Variants in EPB41L5 observed in about 807,000 individuals in gnomAD.
EPB41L5 encodes the protein band 4.1-like protein 5.
In EPB41L5, 55 loss-of-function variants were observed where a neutral mutation model predicts 106.6. The ratio of observed to expected loss-of-function variants is 0.52; its 90% CI spans 0.42 to 0.65. The LOEUF (loss-of-function observed/expected upper bound fraction) is 0.65, where lower values mean the gene tolerates loss of function less well. Ranked by LOEUF, EPB41L5 falls within the 30% of genes least tolerant of loss-of-function variation. The probability of loss-of-function intolerance (pLI) is 0.00; values close to 1 mark genes in which losing one functional copy is unlikely to be tolerated. For synonymous variants in EPB41L5, 297 were observed against 306.7 expected (o/e 0.97, Z 0.33); for missense variants, 871 against 882.1 (o/e 0.99, Z 0.16).
intron 8 of EPB41L5, 52 bp downstream of exon 8, chr2:120,077,143 A>T (rs1191100304): frequency 3.8e-6 from 6 of 1,592,322 alleles, no homozygotes; most frequent in Admixed American, 1.7e-5. Context: ...CAGTTATTTC[A>T]TATTCATTTT....
At chr2:120,085,741 A>G (rs1234332215) in intron 10 of EPB41L5, among the ~76,000 whole-genome samples, 1 of 152,140 alleles carries the variant, frequency 6.6e-6, no homozygotes, top group Non-Finnish European at 1.5e-5. Context: ...ACCTCAGGCA[A>G]TTATCTTCCA....
chr2:120,152,725 G>GT (rs1430624723), intron 20 of EPB41L5, among the ~76,000 whole-genome samples: 2 of 152,186 alleles, frequency 1.3e-5, no homozygotes, highest in Middle Eastern at 3.2e-3. Context: ...TGAAGCTATG[G>GT]TCCTGGGCTT....
rs568881116 is a variant in EPB41L5 at position 120,107,403 on chromosome 2, A to G, written c.1337+6589A>G. Among the ~76,000 whole-genome samples the G allele has an allele frequency of 5.6e-4, 85 of 152,278 alleles. 1 individual carries two copies. Among genetic ancestry groups the G allele is most frequent in the Non-Finnish European group, 1.1e-3 (77 of 68,002 alleles). On this transcript the variant is annotated intron_variant, in intron 16 of 24. Coordinates refer to ENST00000263713, the MANE Select transcript of EPB41L5 (RefSeq NM_020909.4). The stretch of plus-strand genomic sequence containing the variant: ...GCTAAAACAAAATCATCTTGTCTCA[A>G]TAACGTTTTCTCTCTTTCCCACCAC...
chr2:120,088,350 A>G (rs1204690316), intron 11 of EPB41L5, among the ~76,000 whole-genome samples: 1 of 152,200 alleles, frequency 6.6e-6, no homozygotes, highest in Non-Finnish European at 1.5e-5. Context: ...ACCAAATACT[A>G]CATGCTCTTA....
intron 3 of EPB41L5, among the ~76,000 whole-genome samples, chr2:120,070,686 C>T (rs529978637): frequency 1.4e-4 from 21 of 152,262 alleles, no homozygotes; most frequent in Admixed American, 5.2e-4. Context: ...GTTCAACATA[C>T]GCAAATCAAT....
At chr2:120,107,663 G>T (rs1301156843) in intron 16 of EPB41L5, among the ~76,000 whole-genome samples, 1 of 152,074 alleles carries the variant, frequency 6.6e-6, no homozygotes, top group Non-Finnish European at 1.5e-5. Context: ...TATGAATCGT[G>T]GATTTAGATA....
At chr2:120,105,889 A>C in intron 16 of EPB41L5, 1 of 985,272 alleles carries the variant, frequency 1.0e-6, no homozygotes, top group South Asian at 4.7e-5. Flanking sequence ...CATTCAAGAA[A>C]AGGTTTCATG....
intron 24 of EPB41L5, among the ~76,000 whole-genome samples, chr2:120,169,819 G>A (rs951077553): frequency 6.6e-6 from 1 of 152,214 alleles, no homozygotes; most frequent in Non-Finnish European, 1.5e-5. Context: ...TGTGCAACTT[G>A]ATTAGTCCGT....
intron 22 of EPB41L5, among the ~76,000 whole-genome samples, chr2:120,165,351 C>G (rs956937522): frequency 2.0e-5 from 3 of 152,050 alleles, no homozygotes; most frequent in African/African-American, 7.2e-5. Flanking sequence ...CCTTGGATAC[C>G]AAAATCCATG....
intron 24 of EPB41L5, among the ~76,000 whole-genome samples, chr2:120,168,421 G>A (rs1687514906): frequency 6.6e-6 from 1 of 152,170 alleles, no homozygotes; most frequent in Non-Finnish European, 1.5e-5. Context: ...GCCCTGAGAT[G>A]CCTTTACCAA....
intron 3 of EPB41L5, among the ~76,000 whole-genome samples, chr2:120,051,970 G>A (rs1419288305): frequency 1.3e-5 from 2 of 152,070 alleles, no homozygotes; most frequent in East Asian, 3.9e-4. Flanking sequence ...GGGACTGCAG[G>A]TGCACACCAC....
intron 20 of EPB41L5, 108 bp from the exon 21 acceptor site, chr2:120,160,773 C>G: frequency 1.4e-6 from 1 of 714,874 alleles, no homozygotes; most frequent in East Asian, 2.6e-5. Context: ...TTTCATATAC[C>G]TTCCCCTACA....
At chr2:120,166,303 TAAAC>T (rs1199747707) in intron 22 of EPB41L5, among the ~76,000 whole-genome samples, 6 of 152,206 alleles carry the variant, frequency 3.9e-5, no homozygotes, top group East Asian at 1.9e-4. Context: ...CTTAGATTAA[TAAAC>T]AAAGACTTTA....
intron 2 of EPB41L5, among the ~76,000 whole-genome samples, chr2:120,032,902 C>T (rs555027813): frequency 6.6e-6 from 1 of 152,166 alleles, no homozygotes; most frequent in East Asian, 1.9e-4. Context: ...GCATATTCAT[C>T]TGTATAACTA....
At chr2:120,060,155 T>C (rs1262268683) in intron 3 of EPB41L5, among the ~76,000 whole-genome samples, 3 of 152,220 alleles carry the variant, frequency 2.0e-5, no homozygotes, top group Non-Finnish European at 4.4e-5. Context: ...TCTTATACAT[T>C]GTTGTTGGGA....
intron 20 of EPB41L5, among the ~76,000 whole-genome samples, chr2:120,150,248 T>C (rs1686610852): frequency 1.3e-5 from 2 of 152,190 alleles, no homozygotes; most frequent in African/African-American, 2.4e-5. Flanking sequence ...GTTGGGGATT[T>C]TTTCATGTGT....
intron 16 of EPB41L5, among the ~76,000 whole-genome samples, chr2:120,123,041 T>C (rs888432509): frequency 6.6e-6 from 1 of 152,236 alleles, no homozygotes; most frequent in Non-Finnish European, 1.5e-5. Flanking sequence ...AAGTTGCTTA[T>C]CAGCTTAGGT....
chr2:120,100,812 A>C lies in EPB41L5; in HGVS notation c.1335A>C (p.Lys445Asn). The C allele has an allele frequency of 6.3e-7, 1 of 1,576,552 alleles. No individual in the cohort carries two copies. Among genetic ancestry groups the C allele is most frequent in the Non-Finnish European group, 8.7e-7 (1 of 1,153,852 alleles). ...QSPGTDQHDR[K>N]CIPLNIDLLN... The stretch of plus-strand genomic sequence containing the variant: ...CTGGAACAGACCAGCATGACAGGAA[A>C]TGGTTTGTTAATTCCTTAAACTAAA... Residue 445 changes from lysine (K) to asparagine (N), a missense_variant and splice_region_variant, in exon 16 of 25, where the codon AAA (lysine) becomes AAC (asparagine). Lys to Asn is a moderately conservative substitution (Grantham distance 94). Coordinates refer to ENST00000263713, the MANE Select transcript of EPB41L5 (RefSeq NM_020909.4).
chr2:120,019,000 A>T, intron 1 of EPB41L5, 77 bp from the exon 2 acceptor site: 1 of 1,259,498 alleles, frequency 7.9e-7, no homozygotes, highest in East Asian at 2.3e-5. Flanking sequence ...TGACTAAATA[A>T]TGCCATTTGA....
Sources: gnomAD v4.1 joint callset for allele counts (sites outside exome capture counted in the v4.1 genomes callset) on GRCh38, gnomAD v4.1.1 for gene constraint, MANE v1.5 for transcripts, NCBI Gene and HGNC (gene_info 2026-07-23, HGNC 2026-07-21) for gene names.